Variants in ZDHHC21 observed in about 807,000 individuals in gnomAD.
The protein encoded by ZDHHC21 is palmitoyltransferase ZDHHC21.
A neutral mutation model predicts 34.6 loss-of-function variants in ZDHHC21; 15 were observed. The ratio of observed to expected loss-of-function variants is 0.43; its 90% CI spans 0.29 to 0.67. The LOEUF (loss-of-function observed/expected upper bound fraction) is 0.67. Among genes scored for constraint, ZDHHC21 ranks in the 30% least tolerant of loss-of-function variants. The pLI is 0.14. For missense variants in ZDHHC21, 344 were observed against 327.7 expected, an observed-to-expected ratio of 1.05 and a Z score of -0.38; for synonymous variants, 142 against 101.8, an observed-to-expected ratio of 1.40 and a Z score of -2.38.
At chr9:14,609,823 T>C (rs1202040602), downstream of ZDHHC21, among the ~76,000 whole-genome samples, 4 of 152,088 alleles carry the variant, frequency 2.6e-5, no homozygotes, top group Non-Finnish European at 5.9e-5. Context: ...AGTTTTAGTG[T>C]AGTACCAGAG....
intron 2 of ZDHHC21, among the ~76,000 whole-genome samples, chr9:14,684,382 A>T (rs1023630044): frequency 3.3e-5 from 5 of 150,498 alleles, no homozygotes; most frequent in Non-Finnish European, 7.4e-5. Flanking sequence ...ATGTGCAAAA[A>T]TCACAAGCAT....
the ZDHHC21 span, chr9:14,589,056 T>C: frequency 1.3e-5 from 2 of 151,758 alleles, no homozygotes; most frequent in African/African-American, 4.8e-5. Context: ...TTATGGCTCA[T>C]AAATTAGAGA....
rs550659775 is a variant in ZDHHC21 at position 14,649,070 on chromosome 9, G to C, written c.505-9058C>G. On this transcript the variant is annotated intron_variant, in intron 7 of 9. Coordinates refer to ENST00000380916, the MANE Select transcript of ZDHHC21 (RefSeq NM_178566.6). ...TGCAGAACATTTAGCAGAATCCCTG[G>C]CCTCCACCCACTAGATGCCAGTAGC... Among the ~76,000 whole-genome samples the C allele has an allele frequency of 6.6e-5, 10 of 151,814 alleles. No homozygotes were observed. In the East Asian group the frequency reaches 1.9e-3, roughly 29 times the overall value.
chr9:14,692,512 T>C (rs1053403295), intron 1 of ZDHHC21, among the ~76,000 whole-genome samples: 2 of 152,166 alleles, frequency 1.3e-5, no homozygotes, highest in African/African-American at 2.4e-5. Context: ...ATTGGTCATG[T>C]CCTCTCAGCC....
chr9:14,628,313 T>C (rs2133547005), intron 8 of ZDHHC21, among the ~76,000 whole-genome samples: 1 of 152,314 alleles, frequency 6.6e-6, no homozygotes, highest in East Asian at 1.9e-4. Context: ...CTGCTATGAT[T>C]ATCCTGTTAT....
chr9:14,670,846 A>G (rs1033098158), intron 5 of ZDHHC21, among the ~76,000 whole-genome samples: 8 of 152,074 alleles, frequency 5.3e-5, no homozygotes, highest in Non-Finnish European at 1.2e-4. Context: ...TGCCTTGTGT[A>G]GCAAGAAAAA....
At chr9:14,683,873 G>A (rs184297221) in intron 2 of ZDHHC21, 6 of 152,204 alleles carry the variant, frequency 3.9e-5, no homozygotes, top group South Asian at 2.1e-4. Context: ...GGGCTTCATC[G>A]CTAGGATGCA....
intron 1 of ZDHHC21, among the ~76,000 whole-genome samples, chr9:14,692,289 C>T (rs1839269827): frequency 6.6e-6 from 1 of 152,154 alleles, no homozygotes; most frequent in Non-Finnish European, 1.5e-5. Flanking sequence ...ATTATTCTTA[C>T]CACAAGGAAA....
chr9:14,676,662 T>G (rs1002725514), intron 3 of ZDHHC21, among the ~76,000 whole-genome samples: 2 of 151,860 alleles, frequency 1.3e-5, no homozygotes, highest in African/African-American at 4.8e-5. Flanking sequence ...AATTTAAAAA[T>G]CAAAAGACAG....
At chr9:14,677,203 CT>C (rs1836569789) in intron 3 of ZDHHC21, among the ~76,000 whole-genome samples, 1 of 151,972 alleles carries the variant, frequency 6.6e-6, no homozygotes, top group African/African-American at 2.4e-5. Context: ...AGATGACACT[CT>C]CTAAAAGAGC....
At chr9:14,607,379 A>G (rs546640887), downstream of ZDHHC21, among the ~76,000 whole-genome samples, 3 of 152,230 alleles carry the variant, frequency 2.0e-5, no homozygotes, top group Admixed American at 6.5e-5. Flanking sequence ...ACTCCAGCCT[A>G]GGTGACAGAG....
In ZDHHC21 at chr9:14,613,563, A is replaced by G. The variant is rs1037709157; in HGVS notation, c.*5403T>C. The G allele has an allele frequency of 3.3e-5, 5 of 151,830 alleles. No homozygotes were observed. Among genetic ancestry groups the G allele is most frequent in the Non-Finnish European group, 7.4e-5 (5 of 67,810 alleles). 9.4% of individuals were successfully genotyped at this position (151,830 alleles called of 1,614,324 possible). On this transcript the variant is annotated 3_prime_UTR_variant, in exon 10 of 10. Coordinates refer to ENST00000380916, the MANE Select transcript of ZDHHC21 (RefSeq NM_178566.6). ...AAAAGCCCACAACTTCTGTTAAGCT[A>G]TTTTGTCCGCATCTTTGTTTATATA...
At chr9:14,643,231 G>C (rs994480125) in intron 7 of ZDHHC21, among the ~76,000 whole-genome samples, 2 of 152,106 alleles carry the variant, frequency 1.3e-5, no homozygotes, top group East Asian at 1.9e-4. Flanking sequence ...CTGGGCAACA[G>C]AGTGAGACTC....
At chr9:14,642,966 C>CG (rs559326110) in intron 7 of ZDHHC21, among the ~76,000 whole-genome samples, 1 of 152,064 alleles carries the variant, frequency 6.6e-6, no homozygotes, top group Non-Finnish European at 1.5e-5. Flanking sequence ...GGGCTGGGTA[C>CG]GGTGGCTCAC....
At chr9:14,674,164 A>G (rs1266305126) in intron 4 of ZDHHC21, 23 bp downstream of exon 4, 2 of 1,452,150 alleles carry the variant, frequency 1.4e-6, no homozygotes, top group Admixed American at 2.7e-5. Context: ...ATTATACAAG[A>G]AAATAAAGAT....
At chr9:14,598,022 C>T in the ZDHHC21 span, among the ~76,000 whole-genome samples, 1 of 152,130 alleles carries the variant, frequency 6.6e-6, no homozygotes, top group African/African-American at 2.4e-5. Context: ...TGAGAGTTGG[C>T]CTACCACCAC....
At chr9:14,607,366 T>C (rs1198531273), downstream of ZDHHC21, among the ~76,000 whole-genome samples, 1 of 152,144 alleles carries the variant, frequency 6.6e-6, no homozygotes, top group African/African-American at 2.4e-5. Flanking sequence ...ATTGTGCCAC[T>C]GCACTCCAGC....
chr9:14,603,820 C>CT, the ZDHHC21 span, among the ~76,000 whole-genome samples: 12 of 152,116 alleles, frequency 7.9e-5, no homozygotes, highest in South Asian at 4.1e-4. Flanking sequence ...GGGTCGAACT[C>CT]TAAGTATTCA....
chr9:14,619,739 G>T, intron 8 of ZDHHC21, 57 bp from the exon 9 acceptor site: 2 of 1,005,224 alleles, frequency 2.0e-6, no homozygotes, highest in East Asian at 3.1e-5. Flanking sequence ...TCTTTATTCT[G>T]TATCCACTCT....
Sources: gnomAD v4.1 joint callset for allele counts (sites outside exome capture counted in the v4.1 genomes callset) on GRCh38, gnomAD v4.1.1 for gene constraint, MANE v1.5 for transcripts, NCBI Gene and HGNC (gene_info 2026-07-23, HGNC 2026-07-21) for gene names.